NUDT3: variants seen among roughly 807,000 people sequenced by gnomAD.
NUDT3 encodes nudix hydrolase 3, also known as diphosphoinositol polyphosphate phosphohydrolase 1.
NUDT3 carries 9 observed loss-of-function variants against 23.6 expected under a neutral mutation model. That is an observed-to-expected ratio of 0.38 (90% CI 0.23 to 0.66). The LOEUF is 0.66. NUDT3 is among the 30% of genes least tolerant of loss of function. The pLI is 0.52. For synonymous variants in NUDT3, 86 were observed against 82.6 expected (o/e 1.04, Z -0.22); for missense variants, 172 against 218.5 (o/e 0.79, Z 1.34).
chr6:34,341,432 T>A (rs1369076308), intron 2 of NUDT3, among the ~76,000 whole-genome samples: 1 of 152,162 alleles, frequency 6.6e-6, no homozygotes, highest in Non-Finnish European at 1.5e-5. Context: ...CTGGCTAACA[T>A]AATCACTCCT....
chr6:34,304,437 AG>A (rs1763646602), intron 2 of NUDT3, among the ~76,000 whole-genome samples: 1 of 151,852 alleles, frequency 6.6e-6, no homozygotes, highest in Non-Finnish European at 1.5e-5. Flanking sequence ...GAAAGGAAAA[AG>A]GAAAGGAAGA....
chr6:34,350,429 T>C (rs1285447056), intron 1 of NUDT3, among the ~76,000 whole-genome samples: 1 of 150,834 alleles, frequency 6.6e-6, no homozygotes, highest in African/African-American at 2.5e-5. Context: ...AAGGCCAAGA[T>C]GAAAGTGAGT....
chr6:34,308,354 A>G (rs765120230), intron 2 of NUDT3, among the ~76,000 whole-genome samples: 1 of 151,400 alleles, frequency 6.6e-6, no homozygotes, highest in Non-Finnish European at 1.5e-5. Flanking sequence ...ACAGCTACTC[A>G]AGAAGCTGAG....
At chr6:34,372,025 A>G (rs1023557749) in intron 1 of NUDT3, among the ~76,000 whole-genome samples, 1 of 152,194 alleles carries the variant, frequency 6.6e-6, no homozygotes. Flanking sequence ...TCGTTTGCTC[A>G]GAATGATGGT....
intron 2 of NUDT3, among the ~76,000 whole-genome samples, chr6:34,339,824 C>T (rs941798055): frequency 2.0e-5 from 3 of 152,180 alleles, no homozygotes; most frequent in African/African-American, 4.8e-5. Context: ...TATATTGGCA[C>T]ATTCCAATGT....
At chr6:34,304,274 A>G (rs2113703932) in intron 2 of NUDT3, among the ~76,000 whole-genome samples, 1 of 150,732 alleles carries the variant, frequency 6.6e-6, no homozygotes, top group Admixed American at 6.6e-5. Context: ...AAAAAAAAGA[A>G]AGTTTGCTAT....
At chr6:34,379,981 T>C (rs573698975) in intron 1 of NUDT3, among the ~76,000 whole-genome samples, 3 of 151,850 alleles carry the variant, frequency 2.0e-5, no homozygotes, top group Admixed American at 1.3e-4. Context: ...CACTCCAGCA[T>C]GGACAAGAGT....
At chr6:34,311,954 G>A (rs1763779970) in intron 2 of NUDT3, among the ~76,000 whole-genome samples, 1 of 151,996 alleles carries the variant, frequency 6.6e-6, no homozygotes, top group Non-Finnish European at 1.5e-5. Context: ...AATGTAAAAC[G>A]CAAAACTATA....
At chr6:34,318,731 A>T (rs548692691) in intron 2 of NUDT3, among the ~76,000 whole-genome samples, 36 of 150,818 alleles carry the variant, frequency 2.4e-4, no homozygotes, top group East Asian at 7.8e-4. Flanking sequence ...TTTAAAAAAA[A>T]TTTTTTTTTT....
intron 1 of NUDT3, among the ~76,000 whole-genome samples, chr6:34,347,916 G>A (rs1764403252): frequency 6.6e-6 from 1 of 151,702 alleles, no homozygotes; most frequent in Non-Finnish European, 1.5e-5. Context: ...GGTAGGAGGT[G>A]CACTTGCCAG....
chr6:34,324,808 G>C (rs1763998025), intron 2 of NUDT3, among the ~76,000 whole-genome samples: 1 of 152,182 alleles, frequency 6.6e-6, no homozygotes, highest in African/African-American at 2.4e-5. Flanking sequence ...ATAACCCAGA[G>C]GCAGCCATTT....
chr6:34,299,439 T>A (rs977204888), intron 2 of NUDT3, among the ~76,000 whole-genome samples: 11 of 151,728 alleles, frequency 7.2e-5, no homozygotes, highest in African/African-American at 2.7e-4. Flanking sequence ...ACCCTTTTTC[T>A]TTTTTTTAAG....
chr6:34,330,172 G>A (rs1048340422), intron 2 of NUDT3, among the ~76,000 whole-genome samples: 1 of 152,144 alleles, frequency 6.6e-6, no homozygotes, highest in South Asian at 2.1e-4. Flanking sequence ...CCCAGTAATG[G>A]GATGGCTGGA....
intron 1 of NUDT3, among the ~76,000 whole-genome samples, chr6:34,351,059 C>T (rs1018600763): frequency 2.0e-5 from 3 of 148,702 alleles, no homozygotes; most frequent in African/African-American, 7.6e-5. Flanking sequence ...GAAAAAAGAA[C>T]ACTTTGGTGG....
chr6:34,354,554 C>A (rs2113746483), intron 1 of NUDT3, among the ~76,000 whole-genome samples: 1 of 151,896 alleles, frequency 6.6e-6, no homozygotes, highest in Non-Finnish European at 1.5e-5. Context: ...GAAACCCCAT[C>A]TCTACTAAAA....
chr6:34,329,373 C>G (rs1268158187), intron 2 of NUDT3, among the ~76,000 whole-genome samples: 2 of 152,144 alleles, frequency 1.3e-5, no homozygotes, highest in African/African-American at 4.8e-5. Context: ...TTCCACTGCC[C>G]GGGTTCAAGC....
At chr6:34,290,761 T>C (rs1017977207) in intron 4 of NUDT3, among the ~76,000 whole-genome samples, 2 of 147,820 alleles carry the variant, frequency 1.4e-5, no homozygotes, top group Admixed American at 1.4e-4. Context: ...CACTTAAGCA[T>C]TTCCATATCA....
intron 3 of NUDT3, among the ~76,000 whole-genome samples, chr6:34,294,098 C>T (rs1763464536): frequency 6.6e-6 from 1 of 152,198 alleles, no homozygotes; most frequent in East Asian, 1.9e-4. Flanking sequence ...AGGTGATCTT[C>T]TCACCTCAGC....
chr6:34,392,351 G>C lies in NUDT3; in HGVS notation c.12C>G (p.Leu4=), dbSNP rs139746730. The change falls in exon 1 of 5, where the codon CTC becomes CTG. Residue 4 remains leucine (L), a synonymous_variant. Transcript: ENST00000607016. ...CGTAGGTGCGGGTCTGGTTCGACTTGAGCTTCATCATCCTCCGGGCCCGGG... is the reference window on the plus strand; with the variant it reads ...CGTAGGTGCGGGTCTGGTTCGACTTCAGCTTCATCATCCTCCGGGCCCGGG... The part of the protein sequence containing the change: MMK[L]KSNQTRTYDG... The C allele has an allele frequency of 6.2e-7, 1 of 1,603,300 alleles. No homozygotes were observed.
Sources: gnomAD v4.1 joint callset for allele counts (sites outside exome capture counted in the v4.1 genomes callset) on GRCh38, gnomAD v4.1.1 for gene constraint, MANE v1.5 for transcripts, NCBI Gene and HGNC (gene_info 2026-07-23, HGNC 2026-07-21) for gene names.